The following CA10 variants were observed in gnomAD, a reference collection of about 807,000 sequenced individuals.
CA10 encodes the protein carbonic anhydrase-related protein 10.
In CA10, 14 loss-of-function variants were observed where a neutral mutation model predicts 44.2. The ratio of observed to expected loss-of-function variants is 0.32; its 90% CI spans 0.21 to 0.50. The LOEUF (loss-of-function observed/expected upper bound fraction) is 0.50. CA10 is among the 20% of genes least tolerant of loss of function. The pLI is 0.99. For synonymous variants in CA10, 159 were observed against 141.6 expected, an observed-to-expected ratio of 1.12 and a Z score of -0.87; for missense variants, 350 against 409.7, an observed-to-expected ratio of 0.85 and a Z score of 1.26.
intron 2 of CA10, among the ~76,000 whole-genome samples, chr17:52,016,708 T>C (rs1441805503): frequency 1.3e-5 from 2 of 151,756 alleles, no homozygotes; most frequent in Non-Finnish European, 2.9e-5. Context: ...AGGTCAGAGG[T>C]TCAAGACTAG....
chr17:51,937,321 A>T (rs767268363), intron 2 of CA10, among the ~76,000 whole-genome samples: 2 of 152,102 alleles, frequency 1.3e-5, no homozygotes, highest in African/African-American at 2.4e-5. Context: ...ACTGTAATAA[A>T]TCTCCACTTT....
chr17:51,737,064 C>T lies in CA10; in HGVS notation c.465+10569G>A, dbSNP rs987484929. ...AGGCACTTATGATTAGAAGAATGGA[C>T]TTACCCAGGATCAAGCAGCTACTTA... On this transcript the variant is annotated intron_variant, in intron 4 of 8. Transcript: ENST00000451037. 3.3e-5 allele frequency among the ~76,000 whole-genome samples: 5 copies of T among 152,260 alleles called. No individual in the cohort carries two copies. The South Asian group carries it at 1.0e-3, about 32-fold the overall frequency.
At chr17:51,745,706 A>T (rs758864511) in intron 4 of CA10, among the ~76,000 whole-genome samples, 14 of 152,370 alleles carry the variant, frequency 9.2e-5, no homozygotes, top group Non-Finnish European at 1.6e-4. Flanking sequence ...ACTAAAGAAT[A>T]ATACAATGTA....
Position 51,949,061 on chromosome 17 carries a change from G to T in CA10, c.137-17929C>A, listed in dbSNP as rs150302637. Among the ~76,000 whole-genome samples the T allele has an allele frequency of 3.2e-3, 482 of 152,234 alleles. 2 individuals are homozygous for T. The highest frequency in any genetic ancestry group is 0.01 in the African/African-American group (436 of 41,568). Reference sequence around the variant, plus strand: ...AGAAGTTAAAAATAACGGATACTATGATCTCTATGAGAATACTTTGTTATT... The same window carrying T: ...AGAAGTTAAAAATAACGGATACTATTATCTCTATGAGAATACTTTGTTATT... On this transcript the variant is annotated intron_variant, in intron 2 of 8. Transcript: ENST00000451037.
intron 2 of CA10, among the ~76,000 whole-genome samples, chr17:52,012,770 A>AAAACTG (rs1261209339): frequency 2.8e-4 from 42 of 152,120 alleles, no homozygotes; most frequent in African/African-American, 9.9e-4. Context: ...GTAAAAGTAG[A>AAAACTG]AAACTGGAGA....
intron 2 of CA10, among the ~76,000 whole-genome samples, chr17:51,976,432 A>G (rs1474022371): frequency 6.6e-6 from 1 of 152,298 alleles, no homozygotes; most frequent in South Asian, 2.1e-4. Context: ...GTCATACATT[A>G]AAAGTTAATC....
intron 1 of CA10, among the ~76,000 whole-genome samples, chr17:52,131,607 A>G (rs1476206876): frequency 6.6e-6 from 1 of 152,216 alleles, no homozygotes; most frequent in Non-Finnish European, 1.5e-5. Flanking sequence ...CAGAAGATAG[A>G]GAGCATTTAA....
At chr17:52,127,742 T>A (rs1439965224) in intron 1 of CA10, among the ~76,000 whole-genome samples, 1 of 152,216 alleles carries the variant, frequency 6.6e-6, no homozygotes, top group East Asian at 1.9e-4. Context: ...GAACTCCTTT[T>A]TAATGCTTCT....
At chr17:52,122,371 CAAA>C (rs1989031868) in intron 1 of CA10, among the ~76,000 whole-genome samples, 1 of 152,062 alleles carries the variant, frequency 6.6e-6, no homozygotes, top group Non-Finnish European at 1.5e-5. Context: ...AAGCCTAAGA[CAAA>C]AGAGAAAATC....
chr17:51,917,869 G>C lies in CA10; in HGVS notation c.279+13121C>G, dbSNP rs565559657. ...TATATTACTGTGGGATCAGGCTATGGTTGGACTCCAGTTAAACTATCATCT... is the reference window on the plus strand; with the variant it reads ...TATATTACTGTGGGATCAGGCTATGCTTGGACTCCAGTTAAACTATCATCT... On this transcript the variant is annotated intron_variant, in intron 3 of 8. Coordinates refer to ENST00000451037, the MANE Select transcript of CA10 (RefSeq NM_020178.5). 1.8e-4 allele frequency among the ~76,000 whole-genome samples: 27 copies of C among 152,244 alleles called. No homozygotes were observed. In the East Asian group the frequency reaches 5.0e-3, roughly 28 times the overall value.
chr17:51,977,094 G>A (rs1984489893), intron 2 of CA10, among the ~76,000 whole-genome samples: 1 of 151,878 alleles, frequency 6.6e-6, no homozygotes, highest in African/African-American at 2.4e-5. Context: ...GGCTTCACTG[G>A]TGAATACTAT....
At chr17:51,660,087 A>C (rs1053243526) in intron 4 of CA10, among the ~76,000 whole-genome samples, 2 of 152,224 alleles carry the variant, frequency 1.3e-5, no homozygotes, top group African/African-American at 2.4e-5. Flanking sequence ...TGAGGATCAA[A>C]GAGGAGCTAT....
chr17:51,638,747 G>T (rs964683833), intron 6 of CA10, among the ~76,000 whole-genome samples: 1 of 152,222 alleles, frequency 6.6e-6, no homozygotes, highest in Non-Finnish European at 1.5e-5. Flanking sequence ...GAGGCTGTGA[G>T]TTCTGTCTGG....
At chr17:51,776,462 C>G (rs572834906) in intron 3 of CA10, among the ~76,000 whole-genome samples, 35 of 152,026 alleles carry the variant, frequency 2.3e-4, no homozygotes, top group African/African-American at 8.0e-4. Context: ...AGAATATAGA[C>G]CATTTAGCTC....
At chr17:51,775,050 G>A (rs1264656238) in intron 3 of CA10, among the ~76,000 whole-genome samples, 1 of 152,068 alleles carries the variant, frequency 6.6e-6, no homozygotes, top group East Asian at 1.9e-4. Context: ...CTCATGACAA[G>A]GGACTGTTCC....
chr17:51,761,342 A>T (rs1281715457), intron 3 of CA10: 1 of 152,160 alleles, frequency 6.6e-6, no homozygotes, highest in Non-Finnish European at 1.5e-5. Flanking sequence ...TGGCAGTTAG[A>T]ATCTATTGAT....
Position 51,633,632 on chromosome 17 carries a change from G to A in CA10, c.808C>T (p.Leu270Phe). The stretch of plus-strand genomic sequence containing the variant: ...ATCTGAGATGGCTGGTTCTGGCTGA[G>A]CAGGCGCAAGGAATGCATCTGAGGA... ...TRMQMHSLRL[L>F]SQNQPSQIFL... is the part of the protein sequence containing the mutation. Residue 270 changes from leucine to phenylalanine, a missense_variant, in exon 8 of 9, where the codon CTC becomes TTC. Transcript: ENST00000451037. The A allele has an allele frequency of 1.2e-6, 2 of 1,613,842 alleles. No homozygotes were observed. The highest frequency in any genetic ancestry group is 1.7e-6 in the Non-Finnish European group (2 of 1,179,862).
chr17:52,085,955 AAAAG>A (rs1161286623), intron 1 of CA10, among the ~76,000 whole-genome samples: 22 of 152,198 alleles, frequency 1.4e-4, no homozygotes, highest in Non-Finnish European at 7.3e-5. Flanking sequence ...TTCTCCAGAT[AAAAG>A]AAAGCTCTAT....
chr17:51,875,334 T>C (rs1009278283), intron 3 of CA10, among the ~76,000 whole-genome samples: 1 of 152,150 alleles, frequency 6.6e-6, no homozygotes, highest in African/African-American at 2.4e-5. Context: ...TTGACCTGGA[T>C]CTAGATCTGT....
Sources: gnomAD v4.1 joint callset for allele counts (sites outside exome capture counted in the v4.1 genomes callset) on GRCh38, gnomAD v4.1.1 for gene constraint, MANE v1.5 for transcripts, NCBI Gene and HGNC (gene_info 2026-07-23, HGNC 2026-07-21) for gene names.